NTNG1: variants seen among roughly 807,000 people sequenced by gnomAD.
The protein encoded by NTNG1 is netrin G1.
In NTNG1, 16 loss-of-function variants were observed where a neutral mutation model predicts 54.0. That is an observed-to-expected ratio of 0.30 (90% confidence interval 0.20 to 0.45). NTNG1 has a LOEUF of 0.45. NTNG1 is among the 20% of genes least tolerant of loss of function. The pLI is 1.00. For missense variants in NTNG1, 530 were observed against 678.7 expected, an observed-to-expected ratio of 0.78 and a Z score of 2.43; for synonymous variants, 255 against 263.1, an observed-to-expected ratio of 0.97 and a Z score of 0.30.
chr1:107,337,991 G>C (rs1668688257), intron 3 of NTNG1, among the ~76,000 whole-genome samples: 1 of 152,022 alleles, frequency 6.6e-6, no homozygotes, highest in Non-Finnish European at 1.5e-5. Context: ...AATAATAGTA[G>C]TGGAGGATAT....
At chr1:107,314,430 A>C (rs1667213400) in intron 2 of NTNG1, among the ~76,000 whole-genome samples, 1 of 151,540 alleles carries the variant, frequency 6.6e-6, no homozygotes. Context: ...TAAATAAATA[A>C]ATAAATAAAT....
chr1:107,301,838 G>A (rs543760003), intron 2 of NTNG1, among the ~76,000 whole-genome samples: 1 of 152,268 alleles, frequency 6.6e-6, no homozygotes, highest in South Asian at 2.1e-4. Flanking sequence ...TTCTTGTTGT[G>A]TGACTTCTCA....
At chr1:107,154,168 T>C (rs573436241) in intron 2 of NTNG1, among the ~76,000 whole-genome samples, 18 of 152,112 alleles carry the variant, frequency 1.2e-4, no homozygotes, top group Admixed American at 1.1e-3. Flanking sequence ...GGTAGAAGAA[T>C]AGAGAAATAA....
At chr1:107,386,849 C>T (rs907377256) in intron 3 of NTNG1, among the ~76,000 whole-genome samples, 3 of 152,226 alleles carry the variant, frequency 2.0e-5, no homozygotes, top group Non-Finnish European at 2.9e-5. Flanking sequence ...TGTAAAAACA[C>T]ATTTTATACT....
At chr1:107,434,951 C>T (rs1439269744) in intron 6 of NTNG1, among the ~76,000 whole-genome samples, 1 of 152,128 alleles carries the variant, frequency 6.6e-6, no homozygotes, top group Non-Finnish European at 1.5e-5. Context: ...AAACATTACA[C>T]TTACCCACAT....
At chr1:107,432,076 TTTA>T (rs1675303271) in intron 6 of NTNG1, among the ~76,000 whole-genome samples, 1 of 152,150 alleles carries the variant, frequency 6.6e-6, no homozygotes, top group African/African-American at 2.4e-5. Flanking sequence ...CATCTCCTTA[TTTA>T]TTATTTGTCA....
intron 7 of NTNG1, 21 bp from the exon 8 acceptor site, chr1:107,480,590 A>AACAAACCC: frequency 2.8e-6 from 1 of 352,580 alleles, no homozygotes; most frequent in Non-Finnish European, 4.6e-6. Flanking sequence ...ACCCACCCCT[A>AACAAACCC]CCTTCCCCCT....
In NTNG1 at chr1:107,324,343, C is replaced by G; in HGVS notation, c.308C>G (p.Pro103Arg). Reference sequence around the variant, plus strand: ...AGTACCCCTGAGCTGGCACACCCCCCTGAGCTGATGTTTGATTTTGAAGGA... The same window carrying G: ...AGTACCCCTGAGCTGGCACACCCCCGTGAGCTGATGTTTGATTTTGAAGGA... ...DASTPELAHP[P>R]ELMFDFEGRH... Residue 103 changes from proline (P) to arginine (R), a missense_variant, in exon 3 of 8, where the codon CCT becomes CGT. By Grantham distance (103) the Pro-to-Arg change is moderately radical (BLOSUM62 -2). Around this residue, in one of 2 missense-constraint regions of NTNG1, gnomAD observed 318 missense variants for 465.1 expected, o/e 0.68. Coordinates refer to ENST00000370068, the MANE Select transcript of NTNG1 (RefSeq NM_001113226.3). 1.2e-6 allele frequency: 2 copies of G among 1,613,760 alleles called. No homozygotes were observed. The highest frequency in any genetic ancestry group is 1.7e-6 in the Non-Finnish European group (2 of 1,179,784).
At chr1:107,476,687 A>G (rs1678355562) in intron 7 of NTNG1, among the ~76,000 whole-genome samples, 2 of 152,116 alleles carry the variant, frequency 1.3e-5, no homozygotes, top group South Asian at 4.1e-4. Flanking sequence ...CTATTTGAGT[A>G]TGGTCTCCTT....
chr1:107,407,569 A>C (rs1557973720), intron 4 of NTNG1, 113 bp from the exon 5 acceptor site: 3 of 790,056 alleles, frequency 3.8e-6, no homozygotes, highest in Non-Finnish European at 4.1e-6. Flanking sequence ...CTAATTTCTT[A>C]ATAGTCTGAA....
chr1:107,218,468 GTGAGGTACTAT>G (rs1205765896), intron 2 of NTNG1, among the ~76,000 whole-genome samples: 1 of 152,154 alleles, frequency 6.6e-6, no homozygotes, highest in African/African-American at 2.4e-5. Flanking sequence ...GTGTTGAGAT[GTGAGGTACTAT>G]TCTATTCATC....
intron 3 of NTNG1, among the ~76,000 whole-genome samples, chr1:107,336,439 G>A (rs1668583429): frequency 6.6e-6 from 1 of 151,524 alleles, no homozygotes; most frequent in Non-Finnish European, 1.5e-5. Flanking sequence ...AAAGGAAGTT[G>A]GACCCTTACC....
intron 2 of NTNG1, among the ~76,000 whole-genome samples, chr1:107,295,611 T>C (rs182909538): frequency 1.4e-3 from 206 of 152,238 alleles, no homozygotes; most frequent in African/African-American, 4.7e-3. Flanking sequence ...ATGAAGATGA[T>C]AGTATGAATT....
chr1:107,380,312 C>T (rs1671564034), intron 3 of NTNG1, among the ~76,000 whole-genome samples: 1 of 152,098 alleles, frequency 6.6e-6, no homozygotes, highest in Non-Finnish European at 1.5e-5. Context: ...AGTTGCCTTA[C>T]TTTGTTTAAA....
In NTNG1 at chr1:107,440,079, G is replaced by A. The variant is rs556773608; in HGVS notation, c.1390+3280G>A. On this transcript the variant is annotated intron_variant, in intron 7 of 7. Coordinates refer to ENST00000370068, the MANE Select transcript of NTNG1 (RefSeq NM_001113226.3). Reference sequence around the variant, plus strand: ...AAAATCAATGCCAAGCAGAAAACCAGTGGGAGAGTAGGGCTGACAGTGGTG... The same window carrying A: ...AAAATCAATGCCAAGCAGAAAACCAATGGGAGAGTAGGGCTGACAGTGGTG... Among the ~76,000 whole-genome samples, 3 of 152,010 alleles carry A rather than the reference G, an allele frequency of 2.0e-5. No homozygotes were observed. In the East Asian group the frequency reaches 5.9e-4, roughly 30 times the overall value.
intron 3 of NTNG1, among the ~76,000 whole-genome samples, chr1:107,349,246 T>C: frequency 6.6e-6 from 1 of 152,206 alleles, no homozygotes; most frequent in African/African-American, 2.4e-5. Context: ...AGAATCATTT[T>C]CTCTCCAACA....
At chr1:107,189,367 G>T (rs1471925187) in intron 2 of NTNG1, among the ~76,000 whole-genome samples, 3 of 47,392 alleles carry the variant, frequency 6.3e-5, no homozygotes, top group African/African-American at 5.8e-5. Flanking sequence ...AAAAAAAAAA[G>T]TTTGGGTGAA....
chr1:107,268,842 A>G (rs1663936488), intron 2 of NTNG1, among the ~76,000 whole-genome samples: 1 of 152,190 alleles, frequency 6.6e-6, no homozygotes, highest in African/African-American at 2.4e-5. Context: ...GTCTATCAGT[A>G]GTCTTCATCA....
At chr1:107,189,087 C>G (rs1570799080) in intron 2 of NTNG1, among the ~76,000 whole-genome samples, 1 of 151,980 alleles carries the variant, frequency 6.6e-6, no homozygotes, top group East Asian at 1.9e-4. Context: ...CACCGTGGCT[C>G]TCACCTGTAA....
Sources: gnomAD v4.1 joint callset for allele counts (sites outside exome capture counted in the v4.1 genomes callset) on GRCh38, gnomAD v4.1.1 for gene constraint, gnomAD v4.1.1 regional missense constraint, MANE v1.5 for transcripts, NCBI Gene and HGNC (gene_info 2026-07-23, HGNC 2026-07-21) for gene names.